RHOT1: variants seen among roughly 807,000 people sequenced by gnomAD.
RHOT1 encodes mitochondrial Rho GTPase 1.
RHOT1 carries 27 observed loss-of-function variants against 95.3 expected under a neutral mutation model. That is an observed-to-expected ratio of 0.28 (90% CI 0.21 to 0.39). RHOT1 has a LOEUF of 0.39. Ranked by LOEUF, RHOT1 falls within the 10% of genes least tolerant of loss-of-function variation. The pLI is 1.00. For missense variants in RHOT1, 578 were observed against 786.7 expected, an observed-to-expected ratio of 0.73 and a Z score of 3.17; for synonymous variants, 227 against 263.5, an observed-to-expected ratio of 0.86 and a Z score of 1.34.
intron 14 of RHOT1, among the ~76,000 whole-genome samples, chr17:32,202,137 CTT>C (rs1224205253): frequency 1.3e-5 from 2 of 152,182 alleles, no homozygotes. Context: ...GTCTCAATCT[CTT>C]GACCTTGTGA....
At chr17:32,218,475 G>A (rs918083090) in intron 19 of RHOT1, among the ~76,000 whole-genome samples, 3 of 145,948 alleles carry the variant, frequency 2.1e-5, no homozygotes, top group Admixed American at 6.9e-5. Context: ...CCACTGTACT[G>A]TAGCCTGGGT....
intron 1 of RHOT1, among the ~76,000 whole-genome samples, chr17:32,149,370 A>G (rs1160024466): frequency 4.6e-5 from 7 of 150,948 alleles, no homozygotes; most frequent in Non-Finnish European, 5.9e-5. Flanking sequence ...TTCCTCATAA[A>G]CAATCTTTAT....
intron 1 of RHOT1, chr17:32,151,210 C>T: frequency 1.3e-6 from 1 of 754,156 alleles, no homozygotes; most frequent in Non-Finnish European, 2.5e-6. Flanking sequence ...GGAACATGGT[C>T]TGGCTAAACA....
At chr17:32,164,415 G>A (rs1333984413) in intron 1 of RHOT1, among the ~76,000 whole-genome samples, 2 of 151,506 alleles carry the variant, frequency 1.3e-5, no homozygotes, top group Non-Finnish European at 2.9e-5. Flanking sequence ...TGTATTTTTA[G>A]TAGAGACGGG....
chr17:32,168,258 CACAT>C (rs2034274312), intron 1 of RHOT1, among the ~76,000 whole-genome samples: 1 of 152,066 alleles, frequency 6.6e-6, no homozygotes, highest in African/African-American at 2.4e-5. Flanking sequence ...CACACACACT[CACAT>C]ACACATGCAT....
At chr17:32,223,922 A>G (rs766549310) in intron 19 of RHOT1, among the ~76,000 whole-genome samples, 41 of 152,114 alleles carry the variant, frequency 2.7e-4, no homozygotes, top group Non-Finnish European at 7.3e-5. Flanking sequence ...CATGCATACT[A>G]TGGCTTATTT....
intron 13 of RHOT1, 119 bp from the exon 14 acceptor site, chr17:32,200,837 G>T: frequency 1.6e-6 from 1 of 629,642 alleles, no homozygotes; most frequent in Non-Finnish European, 2.8e-6. Context: ...GGAAATTAAA[G>T]TAGTCTAGAC....
chr17:32,208,226 T>C lies in RHOT1; in HGVS notation c.1656T>C (p.Pro552=). The change falls in exon 18 of 20, where the codon CCT becomes CCC. Residue 552 remains proline (P), a synonymous_variant. Transcript: ENST00000545287. ...PTDFCRKHKM[P]PPQAFTCNTA... ...ATTTCTGCAGGAAACACAAAATGCCTCCACCACAAGCCTTCACTTGCAATA... is the reference window on the plus strand; with the variant it reads ...ATTTCTGCAGGAAACACAAAATGCCCCCACCACAAGCCTTCACTTGCAATA... 1 of 1,614,114 alleles carries C rather than the reference T, an allele frequency of 6.2e-7. No homozygotes were observed. Among genetic ancestry groups the C allele is most frequent in the African/African-American group, 1.3e-5 (1 of 75,060 alleles).
At chr17:32,219,066 C>T (rs2038665677) in intron 19 of RHOT1, among the ~76,000 whole-genome samples, 1 of 152,012 alleles carries the variant, frequency 6.6e-6, no homozygotes, top group Non-Finnish European at 1.5e-5. Context: ...TGCATTTGTA[C>T]ATCTCTTAGT....
At chr17:32,193,885 G>C in intron 10 of RHOT1, 102 bp from the exon 11 acceptor site, 2 of 1,389,698 alleles carry the variant, frequency 1.4e-6, no homozygotes, top group Non-Finnish European at 2.0e-6. Flanking sequence ...ACAATGCAAA[G>C]CTAGCATCCG....
chr17:32,203,063 T>C (rs561294194), intron 15 of RHOT1, among the ~76,000 whole-genome samples, 163 bp downstream of exon 15: 1 of 152,302 alleles, frequency 6.6e-6, no homozygotes, highest in Non-Finnish European at 1.5e-5. Flanking sequence ...TTGAACTGTC[T>C]TTGTTTCATT....
In RHOT1 at chr17:32,149,597, A is replaced by G. The variant is rs1472129042; in HGVS notation, c.37+6868A>G. Among the ~76,000 whole-genome samples the G allele has an allele frequency of 5.7e-5, 3 of 53,042 alleles. No homozygotes were observed. In the East Asian group the frequency reaches 1.3e-3, roughly 24 times the overall value. 34.8% of individuals were successfully genotyped at this position (53,042 alleles called of 152,430 possible). A position where few individuals can be genotyped will look rare whatever the true frequency, so the allele number is the denominator to read the frequency against. ...TCACTTGAGCCCAGCAGTTCTATAT[A>G]TATATATATATATATATATATATAT... On this transcript the variant is annotated intron_variant, in intron 1 of 19. Coordinates refer to ENST00000545287, the MANE Select transcript of RHOT1 (RefSeq NM_001033566.3).
chr17:32,203,269 CTTTTTTT>C (rs940216011), intron 15 of RHOT1, among the ~76,000 whole-genome samples: 1 of 72,328 alleles, frequency 1.4e-5, no homozygotes, highest in Non-Finnish European at 2.5e-5. Flanking sequence ...TCTTCTTCTT[CTTTTTTT>C]TTTTTTTTTT....
At chr17:32,202,349 C>G (rs1294826808) in intron 14 of RHOT1, among the ~76,000 whole-genome samples, 1 of 152,104 alleles carries the variant, frequency 6.6e-6, no homozygotes, top group Non-Finnish European at 1.5e-5. Flanking sequence ...TTTTATGGAT[C>G]CAGCTCCAAG....
Position 32,143,194 on chromosome 17 carries a change from C to G in RHOT1, c.37+465C>G, listed in dbSNP as rs73284171. On this transcript the variant is annotated intron_variant, in intron 1 of 19. Coordinates refer to ENST00000545287, the MANE Select transcript of RHOT1 (RefSeq NM_001033566.3). ...GACTGACCAATAGGGATTGCGTGAACCGGCTCCCGGGGAAGCTGGGGGAGG... is the reference window on the plus strand; with the variant it reads ...GACTGACCAATAGGGATTGCGTGAAGCGGCTCCCGGGGAAGCTGGGGGAGG... The G allele has an allele frequency of 4.4e-3, 2,016 of 455,108 alleles. 37 individuals carry two copies. Among genetic ancestry groups the G allele is most frequent in the African/African-American group, 0.036 (1,801 of 49,844 alleles). The allele number at this position is 455,108 out of a possible 1,614,324, so 28.2% of individuals were successfully genotyped here.
chr17:32,178,284 C>T (rs144937882), intron 6 of RHOT1, among the ~76,000 whole-genome samples: 10,132 of 151,330 alleles, frequency 0.067, 412 homozygotes, highest in Admixed American at 0.12. Context: ...CTGCCTGCCT[C>T]GGGCTCCCAT....
chr17:32,147,952 C>A (rs1041273975), intron 1 of RHOT1, among the ~76,000 whole-genome samples: 1 of 152,050 alleles, frequency 6.6e-6, no homozygotes, highest in East Asian at 1.9e-4. Flanking sequence ...ACTTCTGATG[C>A]GTGTAGGCTT....
intron 1 of RHOT1, among the ~76,000 whole-genome samples, chr17:32,162,460 T>C (rs1361148915): frequency 7.2e-5 from 11 of 152,206 alleles, no homozygotes; most frequent in Admixed American, 7.2e-4. Flanking sequence ...TTTTAGCATA[T>C]GTTTATATTT....
At chr17:32,168,302 A>G (rs1479491415) in intron 1 of RHOT1, among the ~76,000 whole-genome samples, 1 of 151,844 alleles carries the variant, frequency 6.6e-6, no homozygotes, top group Admixed American at 6.6e-5. Flanking sequence ...GAGTTTCACC[A>G]TGTCACCCCG....
Sources: allele counts gnomAD v4.1 joint callset (sites outside exome capture counted in the v4.1 genomes callset), GRCh38; gene constraint gnomAD v4.1.1; transcripts MANE v1.5; gene names NCBI Gene and HGNC (gene_info 2026-07-23, HGNC 2026-07-21).